The following TSPOAP1 variants were observed in gnomAD, a reference collection of about 807,000 sequenced individuals.
The protein encoded by TSPOAP1 is TSPO associated protein 1.
TSPOAP1 carries 87 observed loss-of-function variants against 197.0 expected under a neutral mutation model. That is an observed-to-expected ratio of 0.44 (90% CI 0.37 to 0.53). The LOEUF (loss-of-function observed/expected upper bound fraction) is 0.53. Ranked by LOEUF, TSPOAP1 falls within the 20% of genes least tolerant of loss-of-function variation. The pLI is 0.00. For missense variants in TSPOAP1, 2,174 were observed against 2,411.3 expected (o/e 0.90, Z 2.06); for synonymous variants, 913 against 998.9 (o/e 0.91, Z 1.62).
rs1971437750 is a variant in TSPOAP1, at chr17:58,322,672, G to A, written c.1299C>T (p.Ser433=). ...KSQGLQSKLE[S]LEQVLKHMRE... ...TCCTCACCTTCAGCACTTGCTCCAGGCTCTCCAGCTTGCTCTGCAGGCCCT... is the reference window on the plus strand; with the variant it reads ...TCCTCACCTTCAGCACTTGCTCCAGACTCTCCAGCTTGCTCTGCAGGCCCT... Residue 433 remains serine, a synonymous_variant, in exon 9 of 32, where the codon AGC becomes AGT. Coordinates refer to ENST00000343736, the MANE Select transcript of TSPOAP1 (RefSeq NM_004758.4). The surrounding 1 kb of genome is among the most constrained non-coding windows in gnomAD (Gnocchi z 5.0). The A allele has an allele frequency of 6.2e-7, 1 of 1,610,968 alleles. No individual in the cohort carries two copies. The highest frequency in any genetic ancestry group is 8.5e-7 in the Non-Finnish European group (1 of 1,179,970).
chr17:58,306,330 G>A lies in TSPOAP1; in HGVS notation c.5224+12C>T, dbSNP rs1388320840. ...CCTCCCAGCACCTGAGAGAGAATGGGGTCTTACCCACCTTTCTTGGAGCGG... is the reference window on the plus strand; with the variant it reads ...CCTCCCAGCACCTGAGAGAGAATGGAGTCTTACCCACCTTTCTTGGAGCGG... On this transcript the variant is annotated intron_variant, in intron 26 of 31. Transcript: ENST00000343736. 5 of 1,551,846 alleles carry A rather than the reference G, an allele frequency of 3.2e-6. No individual in the cohort carries two copies. The African/African-American group carries it at 4.1e-5, about 13-fold the overall frequency.
At position 58,310,498 on chromosome 17, in the gene TSPOAP1, C is replaced by A; in HGVS notation, c.3699+14G>T. The A allele has an allele frequency of 1.2e-6, 2 of 1,611,824 alleles. No individual in the cohort carries two copies. The highest frequency in any genetic ancestry group is 1.7e-6 in the Non-Finnish European group (2 of 1,179,128). ...AATTCTCTGAAGTGACACAGTGTGTCCCCAAACCCCTACCTCAGCCCTGGG... is the reference window on the plus strand; with the variant it reads ...AATTCTCTGAAGTGACACAGTGTGTACCCAAACCCCTACCTCAGCCCTGGG... On this transcript the variant is annotated intron_variant, in intron 20 of 31. Coordinates refer to ENST00000343736, the MANE Select transcript of TSPOAP1 (RefSeq NM_004758.4).
chr17:58,324,771 C>CATTAAAAAA lies in TSPOAP1; in HGVS notation c.942+39_942+40insTTTTTTAAT. ...CCCGGTGGTCGTTCCCCCCACCCAT[C>CATTAAAAAA]TGCACGCACCCACACACCTGCCCTT... On this transcript the variant is annotated intron_variant, in intron 5 of 31. Coordinates refer to ENST00000343736, the MANE Select transcript of TSPOAP1 (RefSeq NM_004758.4). This position sits in a 1 kb window ranked among gnomAD's most constrained non-coding sequence, Gnocchi z 5.8. 1 of 1,383,144 alleles carries CATTAAAAAA rather than the reference C, an allele frequency of 7.2e-7. No homozygotes were observed. Among genetic ancestry groups the CATTAAAAAA allele is most frequent in the East Asian group, 2.7e-5 (1 of 36,460 alleles). 85.7% of individuals were successfully genotyped at this position (1,383,144 alleles called of 1,614,324 possible).
intron 1 of TSPOAP1, among the ~76,000 whole-genome samples, chr17:58,327,385 G>A (rs920676011): frequency 6.6e-6 from 1 of 152,228 alleles, no homozygotes; most frequent in Non-Finnish European, 1.5e-5. Context: ...CAGAAGGACA[G>A]ACAAATGACG....
rs1229167767 is a variant in TSPOAP1 at position 58,302,303 on chromosome 17, G to A, written c.*177C>T. ...TTCCCAGAGCCCAGCCTCCTGAGGA[G>A]CTGCTTCCCCTTGGAGAAGAAACCC... On this transcript the variant is annotated 3_prime_UTR_variant, in exon 32 of 32. Transcript: ENST00000343736. 7.8e-7 allele frequency: 1 copy of A among 1,289,426 alleles called. No homozygotes were observed. The highest frequency in any genetic ancestry group is 1.0e-6 in the Non-Finnish European group (1 of 988,822). The allele number at this position is 1,289,426 out of a possible 1,614,324, so 79.9% of individuals were successfully genotyped here. A position where few individuals can be genotyped will look rare whatever the true frequency, so the allele number is the denominator to read the frequency against.
chr17:58,322,769 C>A lies in TSPOAP1; in HGVS notation c.1202G>T (p.Trp401Leu). ...CTGGCCCCTCAGCTCCGCATTCTCC[C>A]ACTCCACCTGGCGAGGGGGCAGTGA... ...GRATEKEQVE[W>L]ENAELRGQLL... is the part of the protein sequence containing the mutation. Residue 401 changes from tryptophan (W) to leucine (L), a missense_variant, in exon 9 of 32, where the codon TGG becomes TTG. Physicochemically the swap from Trp to Leu is moderately conservative, Grantham distance 61. This residue lies in a region of TSPOAP1 where 1,933 missense variants were observed against 2,139.0 expected (regional missense o/e 0.90). Coordinates refer to ENST00000343736, the MANE Select transcript of TSPOAP1 (RefSeq NM_004758.4). The surrounding 1 kb of genome is among the most constrained non-coding windows in gnomAD (Gnocchi z 5.0). The A allele has an allele frequency of 6.2e-7, 1 of 1,612,906 alleles. No individual in the cohort carries two copies. Among genetic ancestry groups the A allele is most frequent in the Non-Finnish European group, 8.5e-7 (1 of 1,179,964 alleles).
rs748115646 is a variant in TSPOAP1 at position 58,320,059 on chromosome 17, C to T, written c.1494+50G>A. ...TGCCTGGGCCCTGAGGGAGGAGATG[C>T]AACTCAGCCAGCCTGGAGAGGTGTG... On this transcript the variant is annotated intron_variant, in intron 12 of 31. Transcript: ENST00000343736. 5.6e-6 allele frequency: 9 copies of T among 1,613,044 alleles called. No individual in the cohort carries two copies. The East Asian group carries it at 8.9e-5, about 16-fold the overall frequency.
intron 26 of TSPOAP1, among the ~76,000 whole-genome samples, chr17:58,306,128 A>G (rs555514314): frequency 6.6e-5 from 10 of 152,282 alleles, no homozygotes; most frequent in African/African-American, 2.4e-4. Flanking sequence ...CACCGGAACA[A>G]AGCCCCCCAT....
chr17:58,320,243 T>C (rs1162740122), intron 11 of TSPOAP1, 114 bp from the exon 12 acceptor site: 3 of 1,283,784 alleles, frequency 2.3e-6, no homozygotes, highest in East Asian at 2.4e-5. Context: ...GTCAGCTCCC[T>C]GGACTGACTA....
At chr17:58,311,867 G>A (rs1292354401) in intron 17 of TSPOAP1, 25 bp downstream of exon 17, 2 of 1,510,742 alleles carry the variant, frequency 1.3e-6, no homozygotes, top group South Asian at 2.6e-5. Flanking sequence ...GGGTGTTCTG[G>A]ACAACAGGGC....
rs1298609751 is a variant in TSPOAP1 at position 58,322,772 on chromosome 17, T to A, written c.1199A>T (p.Glu400Val). 7.4e-6 allele frequency: 12 copies of A among 1,612,366 alleles called. No individual in the cohort carries two copies. The highest frequency in any genetic ancestry group is 8.5e-6 in the Non-Finnish European group (10 of 1,179,866). The change falls in exon 9 of 32, where the codon GAG becomes GTG. Residue 400 changes from glutamate to valine, a missense_variant. Glu to Val is a moderately radical substitution (Grantham distance 121). This residue lies in a region of TSPOAP1 where 1,933 missense variants were observed against 2,139.0 expected (regional missense o/e 0.90). Coordinates refer to ENST00000343736, the MANE Select transcript of TSPOAP1 (RefSeq NM_004758.4). This position sits in a 1 kb window ranked among gnomAD's most constrained non-coding sequence, Gnocchi z 5.0. ...SGRATEKEQVEWENAELRGQL... is the reference protein window; with the variant it reads ...SGRATEKEQVVWENAELRGQL... Reference sequence around the variant, plus strand: ...GCCCCTCAGCTCCGCATTCTCCCACTCCACCTGGCGAGGGGGCAGTGACAG... The same window carrying A: ...GCCCCTCAGCTCCGCATTCTCCCACACCACCTGGCGAGGGGGCAGTGACAG...
At position 58,324,570 on chromosome 17, in the gene TSPOAP1, TG is replaced by T. The variant is rs1252858192; in HGVS notation, c.942+240del. On this transcript the variant is annotated intron_variant, in intron 5 of 31. Coordinates refer to ENST00000343736, the MANE Select transcript of TSPOAP1 (RefSeq NM_004758.4). This position sits in a 1 kb window ranked among gnomAD's most constrained non-coding sequence, Gnocchi z 5.8. ...GCAGGGGCGGCCGGCCAGGCCCCGC[TG>T]GGCGCAGGCCTATGGAGGGCGGAAC... is the stretch of plus-strand genomic sequence containing the variant. Among the ~76,000 whole-genome samples, 2 of 151,902 alleles carry T rather than the reference TG, an allele frequency of 1.3e-5. No homozygotes were observed. Among genetic ancestry groups the T allele is most frequent in the African/African-American group, 2.4e-5 (1 of 41,392 alleles).
chr17:58,324,466 G>A lies in TSPOAP1; in HGVS notation c.942+345C>T, dbSNP rs1023943083. ...TCCCCGCTCTACGGCGGCGGCGGGA[G>A]GAGGCGGCGCGGGCTGGGCCCCGGG... On this transcript the variant is annotated intron_variant, in intron 5 of 31. Coordinates refer to ENST00000343736, the MANE Select transcript of TSPOAP1 (RefSeq NM_004758.4). This position sits in a 1 kb window ranked among gnomAD's most constrained non-coding sequence, Gnocchi z 5.8. Among the ~76,000 whole-genome samples, 2 of 151,886 alleles carry A rather than the reference G, an allele frequency of 1.3e-5. No homozygotes were observed. Among genetic ancestry groups the A allele is most frequent in the African/African-American group, 4.8e-5 (2 of 41,402 alleles).
chr17:58,323,409 A>T (rs1346368872), intron 6 of TSPOAP1, 28 bp from the exon 7 acceptor site: 1 of 1,614,212 alleles, frequency 6.2e-7, no homozygotes, highest in East Asian at 2.2e-5. Flanking sequence ...AGTGCTCCTC[A>T]TGAGGGAAGG....
intron 15 of TSPOAP1, 133 bp downstream of exon 15, chr17:58,316,292 T>C: frequency 9.3e-7 from 1 of 1,076,584 alleles, no homozygotes; most frequent in Non-Finnish European, 1.4e-6. Context: ...TTGGCCCAAC[T>C]AGGTTATTAG....
intron 31 of TSPOAP1, chr17:58,303,743 G>C (rs1044284139): frequency 2.0e-5 from 3 of 152,284 alleles, no homozygotes; most frequent in African/African-American, 7.2e-5. Flanking sequence ...GACCTCCTGG[G>C]CTCAAGTGAC....
chr17:58,322,927 C>A lies in TSPOAP1; in HGVS notation c.1194+23G>T. 6.2e-7 allele frequency: 1 copy of A among 1,606,338 alleles called. No homozygotes were observed. Among genetic ancestry groups the A allele is most frequent in the African/African-American group, 1.3e-5 (1 of 74,900 alleles). On this transcript the variant is annotated intron_variant, in intron 8 of 31. Transcript: ENST00000343736. This position sits in a 1 kb window ranked among gnomAD's most constrained non-coding sequence, Gnocchi z 5.0. Reference sequence around the variant, plus strand: ...GCAGTGGTGGGAGCACAGGTCTCCACAGCACCTGGGCGGAAGTGGTACCTG... The same window carrying A: ...GCAGTGGTGGGAGCACAGGTCTCCAAAGCACCTGGGCGGAAGTGGTACCTG...
In TSPOAP1 at chr17:58,305,073, C is replaced by T; in HGVS notation, c.5532G>A (p.Gln1844=). 1.2e-6 allele frequency: 2 copies of T among 1,613,870 alleles called. No individual in the cohort carries two copies. The highest frequency in any genetic ancestry group is 1.7e-6 in the Non-Finnish European group (2 of 1,179,844). The change falls in exon 30 of 32, where the codon CAG becomes CAA. Residue 1844 remains glutamine (Q), a synonymous_variant. Coordinates refer to ENST00000343736, the MANE Select transcript of TSPOAP1 (RefSeq NM_004758.4). ...GGLDREPRTP[Q]AESQRTRRRR... ...GCTCCTCACTGACCTGACTCTCAGC[C>T]TGGGGTGTCCTGGGTTCCCTGTCCA... is the stretch of plus-strand genomic sequence containing the variant.
chr17:58,310,990 AG>A lies in TSPOAP1; in HGVS notation c.3304del (p.Ala1103LeufsTer126). 1 of 1,597,534 alleles carries A rather than the reference AG, an allele frequency of 6.3e-7. No individual in the cohort carries two copies. The highest frequency in any genetic ancestry group is 8.5e-7 in the Non-Finnish European group (1 of 1,172,088). ...TCCAGGCCCTGGGGAGGCTGAAGCA[AG>A]GGGCGCTCTGGCCTCTGGGCTTGGG... ...PHPSPEARAP[L>X]ASASPGPGDP... On this transcript the variant is annotated frameshift_variant, in exon 19 of 32. Transcript: ENST00000343736. LOFTEE classifies it high-confidence loss of function.
Sources: gnomAD v4.1 joint callset for allele counts (sites outside exome capture counted in the v4.1 genomes callset) on GRCh38, gnomAD v4.1.1 for gene constraint, gnomAD v4.1.1 regional missense constraint, Gnocchi (gnomAD v3.1) non-coding constraint, MANE v1.5 for transcripts, NCBI Gene and HGNC (gene_info 2026-07-23, HGNC 2026-07-21) for gene names.